The following PABIR3 variants were observed in gnomAD, a reference collection of about 807,000 sequenced individuals.
The protein encoded by PABIR3 is PABIR family member 3.
In PABIR3, 20 loss-of-function variants were observed where a neutral mutation model predicts 23.1. The observed-to-expected ratio is 0.86, with a 90% CI of 0.61 to 1.26. The LOEUF (loss-of-function observed/expected upper bound fraction) is 1.26. Among genes scored for constraint, PABIR3 ranks in the 50% most tolerant of loss-of-function variants. The pLI is 0.00. For missense variants in PABIR3, 189 were observed against 195.4 expected (o/e 0.97, Z 0.20); for synonymous variants, 69 against 68.5 (o/e 1.01, Z -0.04).
At chrX:134,815,042 A>G (rs914204798) in intron 3 of PABIR3, among the ~76,000 whole-genome samples, 193 bp downstream of exon 3, 3 of 112,035 alleles carry the variant, frequency 2.7e-5, no homozygotes, top group African/African-American at 6.5e-5. Context: ...ACAAGTTCCC[A>G]CTTTGAGAAA....
intron 4 of PABIR3, 103 bp downstream of exon 4, chrX:134,829,385 G>T: frequency 3.3e-6 from 2 of 597,206 alleles, no homozygotes; most frequent in Non-Finnish European, 2.5e-6. Flanking sequence ...GAGGTCACGT[G>T]TAATATTAAG....
At chrX:134,850,699 A>C (rs1443525992) in intron 9 of PABIR3, among the ~76,000 whole-genome samples, 2 of 112,360 alleles carry the variant, frequency 1.8e-5, no homozygotes, top group Non-Finnish European at 3.7e-5. Context: ...TTTTCTTAGA[A>C]TTTATGATTG....
chrX:134,831,288 C>T (rs1405802780), intron 4 of PABIR3, among the ~76,000 whole-genome samples: 4 of 110,616 alleles, frequency 3.6e-5, no homozygotes, highest in African/African-American at 1.3e-4. Context: ...AGGCTGGTTT[C>T]GAACTCCTGA....
chrX:134,829,208 C>T lies in PABIR3; in HGVS notation c.190-18C>T. On this transcript the variant is annotated intron_variant, in intron 3 of 10. Coordinates refer to ENST00000645433, the MANE Select transcript of PABIR3 (RefSeq NM_001388447.1). ...ACAAACATTAAAGCAAGCTTGACTT[C>T]TATATTTTAAATTTCAGTTGTTGCC... The T allele has an allele frequency of 5.9e-6, 7 of 1,193,264 alleles. No homozygotes were observed. Among genetic ancestry groups the T allele is most frequent in the Non-Finnish European group, 8.0e-6 (7 of 880,403 alleles).
chrX:134,801,036 G>A (rs978714449), intron 1 of PABIR3, among the ~76,000 whole-genome samples: 2 of 112,308 alleles, frequency 1.8e-5, no homozygotes, highest in Non-Finnish European at 3.8e-5. Context: ...GAACCCAGGC[G>A]CCATTGTGAT....
At chrX:134,842,995 G>A (rs2082289538) in intron 4 of PABIR3, among the ~76,000 whole-genome samples, 1 of 109,720 alleles carries the variant, frequency 9.1e-6, no homozygotes, top group African/African-American at 3.3e-5. Flanking sequence ...AAGGTCAGGA[G>A]TTCAAGACCA....
intron 4 of PABIR3, among the ~76,000 whole-genome samples, chrX:134,843,358 T>A (rs1355605498): frequency 1.8e-5 from 2 of 109,644 alleles, no homozygotes; most frequent in Non-Finnish European, 3.8e-5. Flanking sequence ...TAGAGTTTTA[T>A]CTTTTAAGTT....
chrX:134,807,804 G>A (rs753309589), intron 2 of PABIR3, 96 bp downstream of exon 2: 6 of 896,569 alleles, frequency 6.7e-6, no homozygotes, highest in Non-Finnish European at 9.1e-6. Flanking sequence ...TATTTGTTGA[G>A]GTTCTGCAGG....
chrX:134,828,958 A>T (rs753438630), intron 3 of PABIR3, among the ~76,000 whole-genome samples: 13 of 111,663 alleles, frequency 1.2e-4, no homozygotes, highest in Admixed American at 5.8e-4. Flanking sequence ...AGGTAGAGAC[A>T]AACAAAATCC....
At chrX:134,843,951 G>A (rs1228149343) in intron 4 of PABIR3, among the ~76,000 whole-genome samples, 2 of 86,411 alleles carry the variant, frequency 2.3e-5, no homozygotes, top group Non-Finnish European at 4.3e-5. Flanking sequence ...GAGACAGAGT[G>A]TTGCTCTCTG....
rs1462337551 is a variant in PABIR3, at chrX:134,845,209, A to T, written c.251A>T (p.Glu84Val). 30 of 1,189,292 alleles carry T rather than the reference A, an allele frequency of 2.5e-5. No homozygotes were observed. The highest frequency in any genetic ancestry group is 1.9e-4 in the Admixed American group (8 of 42,506). The change falls in exon 5 of 11, where the codon GAA (glutamate) becomes GTA (valine). Residue 84 changes from glutamate (E) to valine (V), a missense_variant. Physicochemically the swap from Glu to Val is moderately radical, Grantham distance 121. Coordinates refer to ENST00000645433, the MANE Select transcript of PABIR3 (RefSeq NM_001388447.1). ...CTCATTTTCCTACCTTTACAGGAAG[A>T]AGCCATGGATTTAATAAATAGAGAA... ...ISRLHQIKQE[E>V]AMDLINRETM...
At chrX:134,806,836 GTC>G (rs779896360), upstream of PABIR3, among the ~76,000 whole-genome samples, 1 of 98,479 alleles carries the variant, frequency 1.0e-5, no homozygotes, top group East Asian at 3.2e-4. Context: ...GGTGTAGTGT[GTC>G]TGCTGTTACA....
intron 3 of PABIR3, chrX:134,821,192 G>T (rs1257866613): frequency 9.9e-6 from 6 of 604,495 alleles, no homozygotes; most frequent in Non-Finnish European, 1.4e-5. Flanking sequence ...AGAGCCATGG[G>T]TTTTTGTGTT....
At chrX:134,816,912 C>T (rs1330236449) in intron 3 of PABIR3, among the ~76,000 whole-genome samples, 1 of 111,725 alleles carries the variant, frequency 9.0e-6, no homozygotes, top group Non-Finnish European at 1.9e-5. Flanking sequence ...TGGTGGCTTA[C>T]ACCTGTAATC....
chrX:134,828,278 A>G (rs1348110386), intron 3 of PABIR3, among the ~76,000 whole-genome samples: 1 of 107,880 alleles, frequency 9.3e-6, no homozygotes, highest in Admixed American at 1.0e-4. Flanking sequence ...TTTAGTAGAG[A>G]TGGGGTTTCA....
chrX:134,842,100 A>C (rs2082254246), intron 4 of PABIR3, among the ~76,000 whole-genome samples: 1 of 111,848 alleles, frequency 8.9e-6, no homozygotes, highest in Non-Finnish European at 1.9e-5. Flanking sequence ...GCATCTTTTC[A>C]TGTGCTTTTT....
At chrX:134,821,668 C>T in intron 3 of PABIR3, 1 of 1,066,176 alleles carries the variant, frequency 9.4e-7, no homozygotes, top group Non-Finnish European at 1.2e-6. Flanking sequence ...TTGGCAACCA[C>T]AAACCCCAAA....
chrX:134,808,759 C>T (rs1331193988), intron 2 of PABIR3, among the ~76,000 whole-genome samples: 8 of 112,066 alleles, frequency 7.1e-5, no homozygotes, highest in African/African-American at 2.6e-4. Context: ...TCAGGGGATC[C>T]GCCTGCCTCA....
intron 3 of PABIR3, among the ~76,000 whole-genome samples, chrX:134,827,213 C>T (rs1441650485): frequency 9.0e-6 from 1 of 111,045 alleles, no homozygotes; most frequent in Non-Finnish European, 1.9e-5. Context: ...CACCCGCCTC[C>T]GCCTCCCCCT....
Sources: gnomAD v4.1 joint callset for allele counts (sites outside exome capture counted in the v4.1 genomes callset) on GRCh38, gnomAD v4.1.1 for gene constraint, MANE v1.5 for transcripts, NCBI Gene and HGNC (gene_info 2026-07-23, HGNC 2026-07-21) for gene names.